The following SH3BGRL2 variants were observed in gnomAD, a reference collection of about 807,000 sequenced individuals.
SH3BGRL2 encodes the protein SH3 domain binding glutamate rich protein like 2.
SH3BGRL2 carries 21 observed loss-of-function variants against 14.8 expected under a neutral mutation model. That is an observed-to-expected ratio of 1.42 (90% CI 1.01 to 2.05). The LOEUF (loss-of-function observed/expected upper bound fraction) is 2.05, where lower values mean the gene tolerates loss of function less well. Among genes scored for constraint, SH3BGRL2 ranks in the 30% most tolerant of loss-of-function variants. The probability of loss-of-function intolerance (pLI) is 0.00; values close to 1 mark genes in which losing one functional copy is unlikely to be tolerated. For synonymous variants in SH3BGRL2, 50 were observed against 47.8 expected, an observed-to-expected ratio of 1.05 and a Z score of -0.19; for missense variants, 147 against 130.8, an observed-to-expected ratio of 1.12 and a Z score of -0.61.
At chr6:79,562,478 GA>G in the SH3BGRL2 span, among the ~76,000 whole-genome samples, 1 of 152,136 alleles carries the variant, frequency 6.6e-6, no homozygotes, top group African/African-American at 2.4e-5. Flanking sequence ...TAGCTTCTGA[GA>G]CTTAAAAATC....
At chr6:79,680,115 G>A (rs1769960887) in intron 2 of SH3BGRL2, among the ~76,000 whole-genome samples, 1 of 152,056 alleles carries the variant, frequency 6.6e-6, no homozygotes, top group African/African-American at 2.4e-5. Context: ...TTTTGCTCTT[G>A]TTACTTGTAC....
At chr6:79,607,897 G>A in the SH3BGRL2 span, among the ~76,000 whole-genome samples, 2 of 152,230 alleles carry the variant, frequency 1.3e-5, no homozygotes, top group African/African-American at 4.8e-5. Flanking sequence ...AGTGAGCCGA[G>A]ATCGCACCAT....
At chr6:79,692,207 G>GT (rs1161459228) in intron 2 of SH3BGRL2, among the ~76,000 whole-genome samples, 2 of 152,144 alleles carry the variant, frequency 1.3e-5, no homozygotes, top group African/African-American at 2.4e-5. Flanking sequence ...GGGGTTGTTT[G>GT]TTTTTTTCTT....
At chr6:79,650,338 C>CCT (rs1769262323) in intron 1 of SH3BGRL2, among the ~76,000 whole-genome samples, 1 of 151,978 alleles carries the variant, frequency 6.6e-6, no homozygotes, top group Non-Finnish European at 1.5e-5. Flanking sequence ...CTCAGTAGCC[C>CCT]AAGGAGGGAG....
At chr6:79,682,199 A>G (rs1770001578) in intron 2 of SH3BGRL2, among the ~76,000 whole-genome samples, 1 of 152,216 alleles carries the variant, frequency 6.6e-6, no homozygotes, top group Non-Finnish European at 1.5e-5. Flanking sequence ...AAGTACAGGA[A>G]GTTTGACAAA....
the SH3BGRL2 span, among the ~76,000 whole-genome samples, chr6:79,590,463 A>ATATATATATATATC: frequency 7.5e-6 from 1 of 134,076 alleles, no homozygotes; most frequent in Non-Finnish European, 1.6e-5. Context: ...ATATATATAT[A>ATATATATATATATC]TGCGCCATGG....
At chr6:79,588,022 G>C in the SH3BGRL2 span, among the ~76,000 whole-genome samples, 1 of 151,538 alleles carries the variant, frequency 6.6e-6, no homozygotes, top group Non-Finnish European at 1.5e-5. Flanking sequence ...GGCCGGGTGC[G>C]GTGGCTCATG....
At chr6:79,648,689 A>G (rs1769218497) in intron 1 of SH3BGRL2, among the ~76,000 whole-genome samples, 1 of 152,018 alleles carries the variant, frequency 6.6e-6, no homozygotes, top group African/African-American at 2.4e-5. Context: ...CTTTTAGAGC[A>G]CTTGGCACAT....
chr6:79,660,352 G>C (rs1414684154), intron 1 of SH3BGRL2, among the ~76,000 whole-genome samples: 1 of 152,172 alleles, frequency 6.6e-6, no homozygotes, highest in Non-Finnish European at 1.5e-5. Context: ...AGTGTGAAGG[G>C]CTGTTGAATT....
At chr6:79,620,577 T>C in the SH3BGRL2 span, among the ~76,000 whole-genome samples, 2 of 150,962 alleles carry the variant, frequency 1.3e-5, no homozygotes, top group Non-Finnish European at 2.9e-5. Context: ...AACCTTTAAG[T>C]CAAGCAGAAG....
rs1487602317 is a variant in SH3BGRL2, at chr6:79,702,067, A to G, written c.*2558A>G. 1.3e-5 allele frequency: 2 copies of G among 152,612 alleles called. No homozygotes were observed. The highest frequency in any genetic ancestry group is 2.9e-5 in the Non-Finnish European group (2 of 68,048). The allele number at this position is 152,612 out of a possible 1,614,324, so 9.5% of individuals were successfully genotyped here. ...GTGCCATCCTGCTAGGTGAGTACAG[A>G]CCAGAAGAAAATTTAGTTGGGAAAA... On this transcript the variant is annotated 3_prime_UTR_variant, in exon 4 of 4. Transcript: ENST00000369838.
At chr6:79,629,326 A>G (rs746943736), upstream of SH3BGRL2, among the ~76,000 whole-genome samples, 3 of 152,060 alleles carry the variant, frequency 2.0e-5, no homozygotes, top group African/African-American at 7.2e-5. Flanking sequence ...CCCAGTTCCA[A>G]TTCTGAATCT....
At chr6:79,677,306 G>C (rs1769905004) in intron 2 of SH3BGRL2, among the ~76,000 whole-genome samples, 1 of 152,148 alleles carries the variant, frequency 6.6e-6, no homozygotes, top group Non-Finnish European at 1.5e-5. Context: ...ACCTGGGTGA[G>C]CTAGGCATGT....
chr6:79,544,558 C>G, the SH3BGRL2 span, among the ~76,000 whole-genome samples: 34 of 152,294 alleles, frequency 2.2e-4, no homozygotes, highest in African/African-American at 7.9e-4. Flanking sequence ...TTCCCCAGAG[C>G]CACTGGTTAA....
chr6:79,673,758 C>T lies in SH3BGRL2; in HGVS notation c.190C>T (p.Pro64Ser). Residue 64 changes from proline to serine, a missense_variant, in exon 2 of 4, where the codon CCC becomes TCC. By Grantham distance (74) the Pro-to-Ser change is moderately conservative. Coordinates refer to ENST00000369838, the MANE Select transcript of SH3BGRL2 (RefSeq NM_031469.4). The part of the protein sequence containing the change: ...PPEKKPTQGN[P>S]LPPQIFNGDR... ...GGAAAAGAAACCCACTCAGGGCAAC[C>T]CCCTGCCACCTCAGATATTTAATGG... 2 of 1,614,060 alleles carry T rather than the reference C, an allele frequency of 1.2e-6. No individual in the cohort carries two copies. Among genetic ancestry groups the T allele is most frequent in the Non-Finnish European group, 8.5e-7 (1 of 1,180,006 alleles).
chr6:79,647,480 A>G (rs534231674), intron 1 of SH3BGRL2, among the ~76,000 whole-genome samples: 2 of 152,162 alleles, frequency 1.3e-5, no homozygotes, highest in East Asian at 1.9e-4. Flanking sequence ...AATATCTTCT[A>G]TTGTCCAGTG....
chr6:79,682,666 A>C (rs1048207724), intron 2 of SH3BGRL2, among the ~76,000 whole-genome samples: 2 of 152,240 alleles, frequency 1.3e-5, no homozygotes, highest in Non-Finnish European at 2.9e-5. Flanking sequence ...TGCCCGGAAC[A>C]TCCACTTGAT....
At chr6:79,595,805 C>G in the SH3BGRL2 span, among the ~76,000 whole-genome samples, 2 of 152,120 alleles carry the variant, frequency 1.3e-5, no homozygotes, top group Non-Finnish European at 2.9e-5. Context: ...TAACTTTGTA[C>G]TGCATGTTCT....
At chr6:79,648,442 A>G (rs890277297) in intron 1 of SH3BGRL2, among the ~76,000 whole-genome samples, 1 of 149,930 alleles carries the variant, frequency 6.7e-6, no homozygotes, top group African/African-American at 2.5e-5. Flanking sequence ...CATTGTGTCT[A>G]GTAAGATTGC....
Sources: gnomAD v4.1 joint callset for allele counts (sites outside exome capture counted in the v4.1 genomes callset) on GRCh38, gnomAD v4.1.1 for gene constraint, MANE v1.5 for transcripts, NCBI Gene and HGNC (gene_info 2026-07-23, HGNC 2026-07-21) for gene names.